The following RAB17 variants were observed in gnomAD, a reference collection of about 807,000 sequenced individuals.
RAB17 encodes the protein RAB17, member RAS oncogene family.
In RAB17, 15 loss-of-function variants were observed where a neutral mutation model predicts 19.3. The ratio of observed to expected loss-of-function variants is 0.78; its 90% CI spans 0.52 to 1.20. The LOEUF (loss-of-function observed/expected upper bound fraction) is 1.20. RAB17 is among the 50% of genes most tolerant of loss of function. RAB17 has a pLI of 0.00. For missense variants in RAB17, 262 were observed against 269.3 expected (o/e 0.97, Z 0.19); for synonymous variants, 110 against 112.8 (o/e 0.97, Z 0.16).
Position 237,577,378 on chromosome 2 carries a change from GA to G in RAB17, c.313del (p.Ser105ProfsTer9). The G allele has an allele frequency of 6.3e-7, 1 of 1,598,636 alleles. No homozygotes were observed. The highest frequency in any genetic ancestry group is 1.7e-4 in the Middle Eastern group (1 of 5,976). Reference sequence around the variant, plus strand: ...CAGCCACTGCTGAGCCTTGAGGAAGGAATCCTAGAAAAGAAGAAAAAAAGTA... The same window carrying G: ...CAGCCACTGCTGAGCCTTGAGGAAGGATCCTAGAAAAGAAGAAAAAAAGTA... ...LLVYDITRKD[S>X]FLKAQQWLKD... is the part of the protein sequence containing the mutation. On this transcript the variant is annotated frameshift_variant, in exon 4 of 6. Transcript: ENST00000264601. LOFTEE classifies it high-confidence loss of function.
chr2:237,576,464 C>A (rs1170329006), intron 4 of RAB17: 3 of 418,086 alleles, frequency 7.2e-6, no homozygotes, highest in Non-Finnish European at 9.9e-6. Flanking sequence ...AGGGCTCAGA[C>A]TGACGCTGTC....
chr2:237,582,802 CCA>C (rs780730356), intron 2 of RAB17, among the ~76,000 whole-genome samples: 1 of 152,206 alleles, frequency 6.6e-6, no homozygotes, highest in Non-Finnish European at 1.5e-5. Flanking sequence ...GTGGCAATAT[CCA>C]CATTTATAAT....
At chr2:237,576,582 G>A (rs1016244053) in intron 4 of RAB17, 17 of 471,018 alleles carry the variant, frequency 3.6e-5, no homozygotes, top group African/African-American at 8.0e-5. Flanking sequence ...TTTGGGAGGC[G>A]CGCCCGTCGG....
intron 2 of RAB17, 93 bp from the exon 3 acceptor site, chr2:237,578,248 G>C: frequency 7.7e-7 from 1 of 1,298,358 alleles, no homozygotes; most frequent in Non-Finnish European, 1.1e-6. Context: ...CACAGCAATG[G>C]GCTCAGAGGG....
At position 237,575,137 on chromosome 2, in the gene RAB17, A is replaced by C; in HGVS notation, c.530-9T>G. On this transcript the variant is annotated splice_polypyrimidine_tract_variant and intron_variant, in intron 5 of 5. Transcript: ENST00000264601. ...CTGCAGTAGCTCTTGGGCTGTGAACAGCAAGAGGAGGGGGCTGGCTAGGGA... is the reference window on the plus strand; with the variant it reads ...CTGCAGTAGCTCTTGGGCTGTGAACCGCAAGAGGAGGGGGCTGGCTAGGGA... 3.7e-6 allele frequency: 6 copies of C among 1,608,496 alleles called. No homozygotes were observed. Among genetic ancestry groups the C allele is most frequent in the Non-Finnish European group, 5.1e-6 (6 of 1,176,236 alleles).
At chr2:237,577,105 G>T in intron 4 of RAB17, 152 bp downstream of exon 4, 1 of 901,658 alleles carries the variant, frequency 1.1e-6, no homozygotes, top group Non-Finnish European at 1.7e-6. Flanking sequence ...GTGTGTAAAT[G>T]CATGTGGGCG....
chr2:237,577,115 G>T lies in RAB17; in HGVS notation c.435+142C>A. 4 of 978,884 alleles carry T rather than the reference G, an allele frequency of 4.1e-6. No individual in the cohort carries two copies. In the East Asian group the frequency reaches 7.3e-5, roughly 18 times the overall value. The allele number at this position is 978,884 out of a possible 1,614,324, so 60.6% of individuals were successfully genotyped here. On this transcript the variant is annotated intron_variant, in intron 4 of 5. Coordinates refer to ENST00000264601, the MANE Select transcript of RAB17 (RefSeq NM_022449.4). ...TGCATGTGTGTAAATGCATGTGGGCGTGTAGAGGTGTGTGTGCACATGTGT... is the reference window on the plus strand; with the variant it reads ...TGCATGTGTGTAAATGCATGTGGGCTTGTAGAGGTGTGTGTGCACATGTGT...
intron 4 of RAB17, chr2:237,576,687 C>A (rs764833424): frequency 2.1e-6 from 1 of 471,232 alleles, no homozygotes; most frequent in South Asian, 1.5e-5. Context: ...ACACGGTCTT[C>A]GTCCTAAATG....
Position 237,586,029 on chromosome 2 carries a change from GT to G in RAB17, c.125del (p.Asn42ThrfsTer26), listed in dbSNP as rs1559398442. The G allele has an allele frequency of 2.5e-6, 4 of 1,612,382 alleles. No homozygotes were observed. Among genetic ancestry groups the G allele is most frequent in the Non-Finnish European group, 3.4e-6 (4 of 1,179,262 alleles). On this transcript the variant is annotated frameshift_variant, in exon 2 of 6. Coordinates refer to ENST00000264601, the MANE Select transcript of RAB17 (RefSeq NM_022449.4). LOFTEE classifies it high-confidence loss of function. ...CCGTAGGCAGGATACTCTTGAAGTC[GT>G]TCTTCACGTACCGAAGAGCCAAGCT... ...KSSLALRYVK[N>X]DFKSILPTVG...
In RAB17 at chr2:237,585,417, C is replaced by T. The variant is rs191548682; in HGVS notation, c.157+581G>A. 3.4e-4 allele frequency: 58 copies of T among 169,382 alleles called. No individual in the cohort carries two copies. The Middle Eastern group carries it at 6.9e-3, about 20-fold the overall frequency. 10.5% of individuals were successfully genotyped at this position (169,382 alleles called of 1,614,324 possible). ...AGGAGGCCAGCAGCCTGCAGATGCC[C>T]CATACAGTTACTCCTGAGCTTCATG... On this transcript the variant is annotated intron_variant, in intron 2 of 5. Coordinates refer to ENST00000264601, the MANE Select transcript of RAB17 (RefSeq NM_022449.4).
At chr2:237,577,700 A>C in intron 3 of RAB17, 1 of 471,624 alleles carries the variant, frequency 2.1e-6, no homozygotes, top group Non-Finnish European at 3.8e-6. Flanking sequence ...GCTGTCCTCA[A>C]AGGACCACTT....
chr2:237,588,207 G>A (rs1209846327), intron 1 of RAB17, among the ~76,000 whole-genome samples: 2 of 149,894 alleles, frequency 1.3e-5, no homozygotes, highest in Non-Finnish European at 2.9e-5. Flanking sequence ...GTTAATCCAC[G>A]CCCAGCACAG....
rs10164487 is a variant in RAB17 at position 237,578,249 on chromosome 2, G to T, written c.158-94C>A. 2.9e-3 allele frequency: 3,759 copies of T among 1,295,972 alleles called. 70 individuals are homozygous for T. The African/African-American group carries it at 0.046, about 16-fold the overall frequency. 80.3% of individuals were successfully genotyped at this position (1,295,972 alleles called of 1,614,324 possible). A position where few individuals can be genotyped will look rare whatever the true frequency, so the allele number is the denominator to read the frequency against. On this transcript the variant is annotated intron_variant, in intron 2 of 5. Transcript: ENST00000264601. ...CGGCAAGCCGCAGGCACAGCAATGG[G>T]CTCAGAGGGACAGCTGGCCATGCAT...
Position 237,577,398 on chromosome 2 carries a change from A to T in RAB17, c.310-16T>A, listed in dbSNP as rs781452873. On this transcript the variant is annotated splice_polypyrimidine_tract_variant and intron_variant, in intron 3 of 5. Transcript: ENST00000264601. The stretch of plus-strand genomic sequence containing the variant: ...GGAAGGAATCCTAGAAAAGAAGAAA[A>T]AAAGTAACATCAAACAAAACTTATA... 4.4e-6 allele frequency: 7 copies of T among 1,590,646 alleles called. No individual in the cohort carries two copies. The highest frequency in any genetic ancestry group is 6.0e-6 in the Non-Finnish European group (7 of 1,166,464).
At chr2:237,577,684 C>T (rs1000439438) in intron 3 of RAB17, 54 of 469,902 alleles carry the variant, frequency 1.1e-4, no homozygotes, top group Non-Finnish European at 1.2e-4. Flanking sequence ...GAATCTCCCA[C>T]GCCTAGCTGT....
At chr2:237,577,221 C>T (rs1395156315) in intron 4 of RAB17, 36 bp downstream of exon 4, 1 of 1,590,502 alleles carries the variant, frequency 6.3e-7, no homozygotes, top group Middle Eastern at 2.1e-4. Context: ...CTCTCTCCTG[C>T]TGTGGAAGAG....
chr2:237,587,212 A>T (rs1291655931), intron 1 of RAB17, among the ~76,000 whole-genome samples: 1 of 152,238 alleles, frequency 6.6e-6, no homozygotes, highest in African/African-American at 2.4e-5. Flanking sequence ...GAAGACTATT[A>T]CTTCGACCCA....
chr2:237,575,202 AC>A (rs1309777604), intron 5 of RAB17, 74 bp from the exon 6 acceptor site: 1 of 1,243,266 alleles, frequency 8.0e-7, no homozygotes, highest in Non-Finnish European at 1.1e-6. Context: ...CAGACCAGCC[AC>A]CCCAGGACCC....
intron 2 of RAB17, chr2:237,578,782 T>C (rs938129642): frequency 2.0e-5 from 3 of 152,550 alleles, no homozygotes; most frequent in Admixed American, 6.5e-5. Context: ...CTGGGCCCCC[T>C]GCCTCCACGG....
Sources: gnomAD v4.1 joint callset for allele counts (sites outside exome capture counted in the v4.1 genomes callset) on GRCh38, gnomAD v4.1.1 for gene constraint, MANE v1.5 for transcripts, NCBI Gene and HGNC (gene_info 2026-07-23, HGNC 2026-07-21) for gene names.